Variants in ZNF536 observed in about 807,000 individuals in gnomAD.
The protein encoded by ZNF536 is zinc finger protein 536.
In ZNF536, 13 loss-of-function variants were observed where a neutral mutation model predicts 84.5. The observed-to-expected ratio is 0.15, with a 90% CI of 0.10 to 0.24. The LOEUF (loss-of-function observed/expected upper bound fraction) is 0.24, where lower values mean the gene tolerates loss of function less well. ZNF536 is among the 10% of genes least tolerant of loss of function. ZNF536 has a pLI of 1.00. For missense variants in ZNF536, 1,536 were observed against 1,747.5 expected, an observed-to-expected ratio of 0.88 and a Z score of 2.16; for synonymous variants, 811 against 742.5, an observed-to-expected ratio of 1.09 and a Z score of -1.50.
At chr19:30,363,750 A>G (rs569708044) in intron 3 of ZNF536, among the ~76,000 whole-genome samples, 1 of 152,340 alleles carries the variant, frequency 6.6e-6, no homozygotes, top group East Asian at 1.9e-4. Flanking sequence ...CTGTGCAATC[A>G]TTTAAAGAGA....
chr19:30,596,843 ATC>A (rs2047482434), intron 1 of ZNF536, among the ~76,000 whole-genome samples: 1 of 147,854 alleles, frequency 6.8e-6, no homozygotes, highest in Non-Finnish European at 1.5e-5. Context: ...ATCTGCTGCA[ATC>A]TCTTTTTTTA....
chr19:30,423,505 G>A (rs886348068), intron 1 of ZNF536, among the ~76,000 whole-genome samples: 2 of 152,208 alleles, frequency 1.3e-5, no homozygotes, highest in Non-Finnish European at 2.9e-5. Context: ...CTTAATGAAT[G>A]AAGAAGTGAA....
intron 2 of ZNF536, among the ~76,000 whole-genome samples, chr19:30,472,195 G>C (rs1316750764): frequency 3.3e-5 from 5 of 152,238 alleles, no homozygotes; most frequent in African/African-American, 1.2e-4. Context: ...TAGAGAAGGA[G>C]AGAGTATTTC....
At chr19:30,691,637 GAT>G (rs1211503912) in intron 1 of ZNF536, among the ~76,000 whole-genome samples, 1 of 152,164 alleles carries the variant, frequency 6.6e-6, no homozygotes, top group African/African-American at 2.4e-5. Flanking sequence ...ATGTGGGACT[GAT>G]GTGTATTGTG....
At chr19:30,504,592 C>G (rs2055089570) in intron 2 of ZNF536, among the ~76,000 whole-genome samples, 1 of 139,880 alleles carries the variant, frequency 7.1e-6, no homozygotes, top group East Asian at 2.2e-4. Context: ...CTCCTTCCCT[C>G]TCTCCAACTC....
chr19:30,710,362 C>A (rs1463256773), intron 1 of ZNF536, among the ~76,000 whole-genome samples: 2 of 152,108 alleles, frequency 1.3e-5, no homozygotes, highest in Non-Finnish European at 2.9e-5. Flanking sequence ...GGCAACATAG[C>A]GAGATCCTGT....
intron 3 of ZNF536, among the ~76,000 whole-genome samples, chr19:30,354,854 G>A (rs1329208186): frequency 6.6e-6 from 1 of 152,184 alleles, no homozygotes; most frequent in Non-Finnish European, 1.5e-5. Flanking sequence ...CCCTGAAGTT[G>A]AATCCTGCCC....
At chr19:30,329,718 A>G (rs2047148536) in intron 2 of ZNF536, among the ~76,000 whole-genome samples, 1 of 152,168 alleles carries the variant, frequency 6.6e-6, no homozygotes, top group African/African-American at 2.4e-5. Context: ...TGGTGGTGCT[A>G]TGTGTTCTTA....
rs991593666 is a variant in ZNF536 at position 30,676,920 on chromosome 19, G to A, written c.170-33837G>A. 1.1e-4 allele frequency among the ~76,000 whole-genome samples: 16 copies of A among 152,034 alleles called. 1 individual carries two copies. The highest frequency in any genetic ancestry group is 6.6e-5 in the Admixed American group (1 of 15,254). On this transcript the variant is annotated intron_variant, in intron 1 of 1. Coordinates refer to the ZNF536 transcript ENST00000592773. ...GGAGTCTTGCTATGTTGCCCAGCCT[G>A]GTCTCAAACTCCTGGCCTCATGTGA... is the stretch of plus-strand genomic sequence containing the variant.
intron 1 of ZNF536, among the ~76,000 whole-genome samples, chr19:30,645,774 C>A (rs1036715987): frequency 6.6e-6 from 1 of 152,204 alleles, no homozygotes; most frequent in Non-Finnish European, 1.5e-5. Flanking sequence ...GGCTGCAGCC[C>A]ACTTAGCGGA....
chr19:30,270,244 C>T (rs1319713783), intron 1 of ZNF536, among the ~76,000 whole-genome samples: 2 of 152,118 alleles, frequency 1.3e-5, no homozygotes, highest in Non-Finnish European at 2.9e-5. Context: ...TTTTAGCCTG[C>T]CAACCCCTGG....
chr19:30,556,305 C>A (rs1433405260), intron 4 of ZNF536: 1 of 152,322 alleles, frequency 6.6e-6, no homozygotes, highest in African/African-American at 2.4e-5. Context: ...TGCCTCACAA[C>A]CTGCTGCAGA....
chr19:30,500,808 A>T (rs1599602719), intron 2 of ZNF536, among the ~76,000 whole-genome samples: 1 of 152,266 alleles, frequency 6.6e-6, no homozygotes, highest in East Asian at 1.9e-4. Context: ...AGTGAAATAC[A>T]GTGGGATTGG....
intron 2 of ZNF536, among the ~76,000 whole-genome samples, chr19:30,328,968 T>C (rs886873837): frequency 2.0e-5 from 3 of 152,074 alleles, no homozygotes; most frequent in Non-Finnish European, 4.4e-5. Flanking sequence ...ATCATCAGAG[T>C]GAGAGATGGG....
Position 30,444,633 on chromosome 19 carries a change from G to T in ZNF536, c.1071G>T (p.Ala357=), listed in dbSNP as rs765223716. The change falls in exon 2 of 5, where the codon GCG becomes GCT. Residue 357 remains alanine (A), a synonymous_variant. Transcript: ENST00000355537. ...CEVCGQVFSQ[A]WFLKGHMRKH... is the part of the protein sequence containing the mutation. ...TGTGCGGTCAGGTGTTCAGCCAGGCGTGGTTCCTCAAGGGTCACATGCGCA... is the reference window on the plus strand; with the variant it reads ...TGTGCGGTCAGGTGTTCAGCCAGGCTTGGTTCCTCAAGGGTCACATGCGCA... The T allele has an allele frequency of 1.2e-6, 2 of 1,613,832 alleles. No homozygotes were observed. The highest frequency in any genetic ancestry group is 1.3e-5 in the African/African-American group (1 of 74,956).
At chr19:30,402,793 A>AT (rs1264526588) in intron 1 of ZNF536, among the ~76,000 whole-genome samples, 20 of 44,160 alleles carry the variant, frequency 4.5e-4, no homozygotes, top group Middle Eastern at 0.01. Flanking sequence ...TTTAAAATTA[A>AT]AAAATATATA....
chr19:30,337,923 GTGATGATAATGTTGATA>G (rs1346822486), intron 2 of ZNF536, among the ~76,000 whole-genome samples: 5 of 151,510 alleles, frequency 3.3e-5, no homozygotes, highest in Admixed American at 2.6e-4. Context: ...GATGACAATG[GTGATGATAATGTTGATA>G]TGATGATAAT....
At chr19:30,296,348 C>T (rs1013927265) in intron 2 of ZNF536, 3 of 152,242 alleles carry the variant, frequency 2.0e-5, no homozygotes, top group Non-Finnish European at 4.4e-5. Context: ...AACCCACTAC[C>T]TGGGCCAGGT....
chr19:30,660,210 C>G (rs958612642), intron 1 of ZNF536, among the ~76,000 whole-genome samples: 30 of 152,136 alleles, frequency 2.0e-4, no homozygotes, highest in African/African-American at 7.0e-4. Context: ...AAGGAAAACC[C>G]ACATGATGGT....
Sources: gnomAD v4.1 joint callset for allele counts (sites outside exome capture counted in the v4.1 genomes callset) on GRCh38, gnomAD v4.1.1 for gene constraint, MANE v1.5 for transcripts, NCBI Gene and HGNC (gene_info 2026-07-23, HGNC 2026-07-21) for gene names.